The following PPA2 variants were observed in gnomAD, a reference collection of about 807,000 sequenced individuals.
PPA2 encodes the protein inorganic pyrophosphatase 2, mitochondrial.
PPA2 carries 48 observed loss-of-function variants against 49.5 expected under a neutral mutation model. That is an observed-to-expected ratio of 0.97 (90% CI 0.77 to 1.23). The LOEUF is 1.23. PPA2 is among the 50% of genes most tolerant of loss of function. PPA2 has a pLI of 0.00. For synonymous variants in PPA2, 131 were observed against 139.9 expected, an observed-to-expected ratio of 0.94 and a Z score of 0.45; for missense variants, 429 against 410.1, an observed-to-expected ratio of 1.05 and a Z score of -0.40.
At chr4:105,463,165 T>C (rs905011663) in intron 1 of PPA2, among the ~76,000 whole-genome samples, 1 of 152,186 alleles carries the variant, frequency 6.6e-6, no homozygotes, top group Non-Finnish European at 1.5e-5. Context: ...TAAGTGGCTT[T>C]GACCCAAATG....
chr4:105,403,727 T>A (rs1722330914), intron 7 of PPA2, among the ~76,000 whole-genome samples: 2 of 152,144 alleles, frequency 1.3e-5, no homozygotes, highest in Admixed American at 6.5e-5. Context: ...AATGAAAACC[T>A]ACCATTTTAT....
intron 7 of PPA2, among the ~76,000 whole-genome samples, chr4:105,417,083 G>T (rs1723048853): frequency 6.6e-6 from 1 of 152,182 alleles, no homozygotes; most frequent in Admixed American, 6.5e-5. Flanking sequence ...CTTGTATATG[G>T]AAGGAATTCA....
chr4:105,397,160 GT>G, intron 8 of PPA2, among the ~76,000 whole-genome samples: 2 of 152,210 alleles, frequency 1.3e-5, no homozygotes, highest in South Asian at 4.1e-4. Context: ...TTAGTTCAAA[GT>G]AGCTCCTTTC....
intron 7 of PPA2, among the ~76,000 whole-genome samples, chr4:105,414,400 C>T (rs543507460): frequency 1.4e-3 from 219 of 152,360 alleles, no homozygotes; most frequent in Non-Finnish European, 2.8e-3. Flanking sequence ...CTTCCACCCA[C>T]TCGGCCTGGC....
intron 8 of PPA2, chr4:105,398,309 A>G (rs1220247864): frequency 7.1e-6 from 1 of 140,918 alleles, no homozygotes; most frequent in African/African-American, 2.4e-5. Context: ...GATTTGAAGG[A>G]TTCTTTTAAT....
intron 9 of PPA2, among the ~76,000 whole-genome samples, chr4:105,392,906 CAG>C (rs1398564591): frequency 6.6e-6 from 1 of 152,114 alleles, no homozygotes; most frequent in Non-Finnish European, 1.5e-5. Flanking sequence ...ACAAGGAATA[CAG>C]AGAGTACTGG....
chr4:105,373,941 C>G (rs1578790169), intron 10 of PPA2, among the ~76,000 whole-genome samples: 4 of 152,060 alleles, frequency 2.6e-5, no homozygotes, highest in Admixed American at 2.6e-4. Flanking sequence ...CTATTTGACT[C>G]TTTATCTACA....
intron 7 of PPA2, among the ~76,000 whole-genome samples, chr4:105,408,157 A>T (rs1722571957): frequency 6.6e-6 from 1 of 152,110 alleles, no homozygotes. Flanking sequence ...GGAGTGAAAA[A>T]AGTGGCAATT....
intron 4 of PPA2, among the ~76,000 whole-genome samples, chr4:105,447,180 T>A (rs562400315): frequency 1.3e-5 from 2 of 152,172 alleles, no homozygotes; most frequent in African/African-American, 2.4e-5. Flanking sequence ...AAATGTGGTA[T>A]ATATACATAA....
At chr4:105,393,012 A>T (rs1733986699) in intron 9 of PPA2, among the ~76,000 whole-genome samples, 1 of 152,220 alleles carries the variant, frequency 6.6e-6, no homozygotes, top group South Asian at 2.1e-4. Flanking sequence ...TCAAGAAATG[A>T]GAAGACAATC....
At chr4:105,450,661 G>C (rs1457335755) in intron 3 of PPA2, among the ~76,000 whole-genome samples, 1 of 138,046 alleles carries the variant, frequency 7.2e-6, no homozygotes, top group Non-Finnish European at 1.5e-5. Context: ...AGGCTGGAGC[G>C]CAGTGGCGCA....
intron 9 of PPA2, among the ~76,000 whole-genome samples, chr4:105,391,764 TGAAGGGAATCATAA>T (rs1397312258): frequency 6.6e-6 from 1 of 152,198 alleles, no homozygotes; most frequent in Non-Finnish European, 1.5e-5. Flanking sequence ...ATCCCATTTT[TGAAGGGAATCATAA>T]GACGTTTTTA....
Position 105,393,439 on chromosome 4 carries a change from G to A in PPA2, c.869+2810C>T, listed in dbSNP as rs143818659. On this transcript the variant is annotated intron_variant, in intron 9 of 11. Coordinates refer to ENST00000341695, the MANE Select transcript of PPA2 (RefSeq NM_176869.3). ...GTCAAGGCTGCAATGAGTCATGTTC[G>A]CGCCCCTGCACTCCAGCCTCGGCAA... is the stretch of plus-strand genomic sequence containing the variant. Among the ~76,000 whole-genome samples, 475 of 150,476 alleles carry A rather than the reference G, an allele frequency of 3.2e-3. 4 individuals carry two copies. Among genetic ancestry groups the A allele is most frequent in the Middle Eastern group, 6.9e-3 (2 of 288 alleles).
chr4:105,451,031 C>T lies in PPA2; in HGVS notation c.268-1628G>A, dbSNP rs558902585. 5.3e-5 allele frequency among the ~76,000 whole-genome samples: 8 copies of T among 152,224 alleles called. No homozygotes were observed. In the South Asian group the frequency reaches 8.3e-4, roughly 16 times the overall value. ...ATCATTTGAGAAGTGATTTAACATA[C>T]TTATTTTCGATCATGCCACACATCA... On this transcript the variant is annotated intron_variant, in intron 3 of 11. Transcript: ENST00000341695.
rs575289677 is a variant in PPA2 at position 105,438,053 on chromosome 4, A to T, written c.442-17T>A. The T allele has an allele frequency of 5.2e-4, 789 of 1,529,682 alleles. 2 individuals carry two copies. The highest frequency in any genetic ancestry group is 2.4e-3 in the East Asian group (106 of 44,332). The allele number at this position is 1,529,682 out of a possible 1,614,324, so 94.8% of individuals were successfully genotyped here. A position where few individuals can be genotyped will look rare whatever the true frequency, so the allele number is the denominator to read the frequency against. On this transcript the variant is annotated splice_polypyrimidine_tract_variant and intron_variant, in intron 5 of 11. Coordinates refer to ENST00000341695, the MANE Select transcript of PPA2 (RefSeq NM_176869.3). ...TTCCCAAGTCTAAAATTTTTTTTTTAAAAAAAAGCAGAAATGTAAGTTAAT... is the reference window on the plus strand; with the variant it reads ...TTCCCAAGTCTAAAATTTTTTTTTTTAAAAAAAGCAGAAATGTAAGTTAAT...
chr4:105,473,758 T>C (rs759222521), intron 1 of PPA2, 136 bp downstream of exon 1: 9 of 1,321,512 alleles, frequency 6.8e-6, no homozygotes, highest in Non-Finnish European at 1.1e-6. Context: ...TAAGGTGGCC[T>C]GGACCGCGCG....
At chr4:105,429,300 T>C (rs1214809183) in intron 6 of PPA2, among the ~76,000 whole-genome samples, 8 of 152,016 alleles carry the variant, frequency 5.3e-5, no homozygotes, top group African/African-American at 1.4e-4. Flanking sequence ...AAGAAACGAG[T>C]AGATGAGAGT....
intron 10 of PPA2, among the ~76,000 whole-genome samples, chr4:105,378,116 A>G (rs545032742): frequency 5.5e-4 from 83 of 152,198 alleles, no homozygotes; most frequent in Non-Finnish European, 7.2e-4. Flanking sequence ...TTTCAAGAAA[A>G]TACCAAAATG....
intron 7 of PPA2, among the ~76,000 whole-genome samples, chr4:105,423,836 G>T (rs1723362092): frequency 6.6e-6 from 1 of 152,020 alleles, no homozygotes; most frequent in Admixed American, 6.6e-5. Context: ...GAGATTTCAG[G>T]GTAAAAATGC....
Sources: gnomAD v4.1 joint callset for allele counts (sites outside exome capture counted in the v4.1 genomes callset) on GRCh38, gnomAD v4.1.1 for gene constraint, MANE v1.5 for transcripts, NCBI Gene and HGNC (gene_info 2026-07-23, HGNC 2026-07-21) for gene names.